Variants in TAOK1 observed in about 807,000 individuals in gnomAD.
TAOK1 encodes serine/threonine-protein kinase TAO1.
A neutral mutation model predicts 138.3 loss-of-function variants in TAOK1; 21 were observed. That is an observed-to-expected ratio of 0.15 (90% CI 0.11 to 0.22). The LOEUF is 0.22. Among genes scored for constraint, TAOK1 ranks in the 10% least tolerant of loss-of-function variants. The pLI is 1.00. For synonymous variants in TAOK1, 361 were observed against 398.4 expected (o/e 0.91, Z 1.12); for missense variants, 651 against 1,227.7 (o/e 0.53, Z 7.02).
intron 1 of TAOK1, among the ~76,000 whole-genome samples, chr17:29,406,197 C>G (rs1904986321): frequency 6.6e-6 from 1 of 152,104 alleles, no homozygotes; most frequent in Non-Finnish European, 1.5e-5. Context: ...CCAGTAGCGT[C>G]ACCCCTGGTT....
At chr17:29,449,772 T>C (rs1456304391) in intron 1 of TAOK1, among the ~76,000 whole-genome samples, 9 of 152,010 alleles carry the variant, frequency 5.9e-5, no homozygotes, top group Admixed American at 5.9e-4. Context: ...ACCTGGGAGA[T>C]GGGTGTTGCA....
At chr17:29,493,283 T>C (rs1057109648) in intron 10 of TAOK1, among the ~76,000 whole-genome samples, 1 of 151,786 alleles carries the variant, frequency 6.6e-6, no homozygotes, top group Non-Finnish European at 1.5e-5. Context: ...TCACCTGAGG[T>C]TGGGAGTTCG....
chr17:29,411,324 T>G (rs974735190), intron 1 of TAOK1, among the ~76,000 whole-genome samples: 13 of 150,890 alleles, frequency 8.6e-5, no homozygotes, highest in Non-Finnish European at 1.5e-4. Flanking sequence ...ATCTCCTGAC[T>G]TCGTGATCCG....
intron 3 of TAOK1, among the ~76,000 whole-genome samples, chr17:29,468,134 A>ATTTTTTTTTTTTTTTT (rs2030720265): frequency 1.0e-4 from 5 of 48,800 alleles, no homozygotes; most frequent in African/African-American, 7.5e-4. Flanking sequence ...GCCTGCTTTC[A>ATTTTTTTTTTTTTTTT]ATTTTTTTTT....
chr17:29,458,110 G>GGA (rs2030437988), intron 2 of TAOK1, among the ~76,000 whole-genome samples: 1 of 148,562 alleles, frequency 6.7e-6, no homozygotes, highest in Non-Finnish European at 1.5e-5. Context: ...ACTCCATCTT[G>GGA]AAAAAAAAAA....
chr17:29,414,838 C>T (rs773344182), intron 1 of TAOK1, among the ~76,000 whole-genome samples: 13 of 152,268 alleles, frequency 8.5e-5, no homozygotes, highest in Non-Finnish European at 1.6e-4. Flanking sequence ...GGATTACAGG[C>T]GTGAGCCACC....
At chr17:29,522,228 C>T in intron 16 of TAOK1, 52 bp from the exon 17 acceptor site, 3 of 1,576,882 alleles carry the variant, frequency 1.9e-6, no homozygotes, top group Admixed American at 1.9e-5. Flanking sequence ...GGACTTTTTT[C>T]TGGCATTATA....
chr17:29,502,558 A>T (rs751043937), intron 12 of TAOK1, 31 bp from the exon 13 acceptor site: 4 of 1,591,210 alleles, frequency 2.5e-6, no homozygotes, highest in Non-Finnish European at 1.7e-6. Flanking sequence ...TGTTCACCTT[A>T]CATAATATTG....
intron 1 of TAOK1, among the ~76,000 whole-genome samples, chr17:29,395,816 T>A (rs1904580101): frequency 6.9e-6 from 1 of 144,342 alleles, no homozygotes; most frequent in African/African-American, 2.6e-5. Context: ...TGCCACCACG[T>A]CTGGCTAATT....
chr17:29,433,876 C>T (rs1905937440), intron 1 of TAOK1, among the ~76,000 whole-genome samples: 1 of 151,502 alleles, frequency 6.6e-6, no homozygotes, highest in South Asian at 2.1e-4. Flanking sequence ...ATCTTAACTG[C>T]TTCCTGCTGA....
chr17:29,482,767 C>T (rs2031090836), intron 8 of TAOK1, among the ~76,000 whole-genome samples: 1 of 150,598 alleles, frequency 6.6e-6, no homozygotes, highest in East Asian at 1.9e-4. Context: ...GACGGTAAGG[C>T]CGACTTCATT....
intron 8 of TAOK1, among the ~76,000 whole-genome samples, chr17:29,486,669 T>C (rs77512746): frequency 0.037 from 5,626 of 152,260 alleles, 361 homozygotes; most frequent in African/African-American, 0.13. Flanking sequence ...TATGAGAGTC[T>C]AACACATTGT....
At position 29,517,503 on chromosome 17, in the gene TAOK1, T is replaced by C; in HGVS notation, c.1755T>C (p.Leu585=). 6.2e-7 allele frequency: 1 copy of C among 1,613,990 alleles called. No homozygotes were observed. The highest frequency in any genetic ancestry group is 8.5e-7 in the Non-Finnish European group (1 of 1,179,986). ...CCAAAAAAGAAAAACAGGAGTGGCT[T>C]TCAAAGCAGAAGGAGAATATACAGC... The part of the protein sequence containing the change: ...STPKKEKQEW[L]SKQKENIQHF... The change falls in exon 16 of 20, where the codon CTT becomes CTC. Residue 585 remains leucine (L), a synonymous_variant. Coordinates refer to ENST00000261716, the MANE Select transcript of TAOK1 (RefSeq NM_020791.4).
chr17:29,401,939 T>C (rs74851675), intron 1 of TAOK1, among the ~76,000 whole-genome samples: 5,955 of 152,292 alleles, frequency 0.039, 407 homozygotes, highest in African/African-American at 0.14. Context: ...CGTGAGCCAC[T>C]GTGCCTGAAC....
At chr17:29,407,546 A>G (rs920765181) in intron 1 of TAOK1, among the ~76,000 whole-genome samples, 1 of 151,798 alleles carries the variant, frequency 6.6e-6, no homozygotes, top group East Asian at 2.0e-4. Context: ...CCCCAAGTTC[A>G]GGTGATCCTC....
intron 1 of TAOK1, among the ~76,000 whole-genome samples, chr17:29,401,940 G>A (rs1200970458): frequency 2.6e-5 from 4 of 152,152 alleles, no homozygotes; most frequent in African/African-American, 9.7e-5. Flanking sequence ...GTGAGCCACT[G>A]TGCCTGAACT....
chr17:29,451,306 A>C (rs2030228732), intron 1 of TAOK1, 149 bp from the exon 2 acceptor site: 2 of 282,596 alleles, frequency 7.1e-6, no homozygotes, highest in Non-Finnish European at 1.3e-5. Flanking sequence ...ATGATGAAAC[A>C]GGTTTAGGAG....
rs550806172 is a variant in TAOK1, at chr17:29,518,235, G to T, written c.1908+579G>T. Among the ~76,000 whole-genome samples, 222 of 152,286 alleles carry T rather than the reference G, an allele frequency of 1.5e-3. 1 individual carries two copies. Among genetic ancestry groups the T allele is most frequent in the African/African-American group, 5.0e-3 (206 of 41,548 alleles). ...GGTAACTGTAATCCGAACACTTTGGGAGGCCAAGGCAGGCAGATCACTTGA... is the reference window on the plus strand; with the variant it reads ...GGTAACTGTAATCCGAACACTTTGGTAGGCCAAGGCAGGCAGATCACTTGA... On this transcript the variant is annotated intron_variant, in intron 16 of 19. Coordinates refer to ENST00000261716, the MANE Select transcript of TAOK1 (RefSeq NM_020791.4).
chr17:29,487,323 T>A (rs1231118418), intron 8 of TAOK1, among the ~76,000 whole-genome samples: 1 of 149,928 alleles, frequency 6.7e-6, no homozygotes, highest in African/African-American at 2.5e-5. Context: ...CAGAGAAAGC[T>A]AGAAATAAAC....
Sources: gnomAD v4.1 joint callset for allele counts (sites outside exome capture counted in the v4.1 genomes callset) on GRCh38, gnomAD v4.1.1 for gene constraint, MANE v1.5 for transcripts, NCBI Gene and HGNC (gene_info 2026-07-23, HGNC 2026-07-21) for gene names.